GABRA1: variants seen among roughly 807,000 people sequenced by gnomAD.
The protein encoded by GABRA1 is gamma-aminobutyric acid receptor subunit alpha-1.
Under a neutral mutation model 48.9 loss-of-function variants are expected in GABRA1, and 9 were observed. That is an observed-to-expected ratio of 0.18 (90% CI 0.11 to 0.32). The LOEUF is 0.32. GABRA1 is among the 10% of genes least tolerant of loss of function. The pLI is 1.00. For missense variants in GABRA1, 285 were observed against 553.8 expected (o/e 0.51, Z 4.87); for synonymous variants, 210 against 198.7 (o/e 1.06, Z -0.48).
intron 4 of GABRA1, among the ~76,000 whole-genome samples, chr5:161,870,098 C>A (rs1358056671): frequency 2.0e-5 from 3 of 152,192 alleles, no homozygotes; most frequent in Non-Finnish European, 4.4e-5. Flanking sequence ...TCTCAACTCA[C>A]TTCTCACGAT....
At position 161,898,840 on chromosome 5, in the gene GABRA1, A is replaced by T. The variant is rs1312819603; in HGVS notation, c.*1418A>T. On this transcript the variant is annotated 3_prime_UTR_variant, in exon 10 of 10. Transcript: ENST00000393943. ...TGTACCATATGTAGCATTAAATATA[A>T]AATACATAAAAGAATGTACAGAAAA... 4 of 152,592 alleles carry T rather than the reference A, an allele frequency of 2.6e-5. No individual in the cohort carries two copies. Among genetic ancestry groups the T allele is most frequent in the African/African-American group, 9.6e-5 (4 of 41,470 alleles). The allele number at this position is 152,592 out of a possible 1,614,324, so 9.5% of individuals were successfully genotyped here. A position where few individuals can be genotyped will look rare whatever the true frequency, so the allele number is the denominator to read the frequency against.
intron 8 of GABRA1, among the ~76,000 whole-genome samples, chr5:161,894,310 C>T (rs1755262064): frequency 6.6e-6 from 1 of 152,120 alleles, no homozygotes; most frequent in African/African-American, 2.4e-5. Context: ...ATTTGAAACT[C>T]GGTTGCCCTG....
chr5:161,879,610 T>C (rs1011714067), intron 6 of GABRA1, among the ~76,000 whole-genome samples: 5 of 152,136 alleles, frequency 3.3e-5, no homozygotes, highest in Admixed American at 1.3e-4. Flanking sequence ...ATATCATCTT[T>C]GCTAAGGCCT....
At chr5:161,886,418 G>C (rs1471545329) in intron 7 of GABRA1, among the ~76,000 whole-genome samples, 1 of 151,302 alleles carries the variant, frequency 6.6e-6, no homozygotes, top group Non-Finnish European at 1.5e-5. Flanking sequence ...CATGTAAACT[G>C]CCTAGAAGAG....
intron 4 of GABRA1, among the ~76,000 whole-genome samples, chr5:161,869,948 C>T (rs1219186022): frequency 6.6e-6 from 1 of 152,128 alleles, no homozygotes; most frequent in East Asian, 1.9e-4. Flanking sequence ...TAAAGAGAAA[C>T]ACATTTTCAT....
At chr5:161,891,129 A>G (rs1581215500) in intron 8 of GABRA1, 79 bp downstream of exon 8, 1 of 1,279,374 alleles carries the variant, frequency 7.8e-7, no homozygotes, top group East Asian at 2.3e-5. Flanking sequence ...TGCAAAGAGA[A>G]ATAAAAAAAA....
At chr5:161,876,977 A>G (rs146682766) in intron 6 of GABRA1, among the ~76,000 whole-genome samples, 2 of 152,190 alleles carry the variant, frequency 1.3e-5, no homozygotes, top group Non-Finnish European at 2.9e-5. Flanking sequence ...CTCTGTTGCC[A>G]TGGCTGGAGT....
chr5:161,873,713 AC>A (rs1426638780), intron 5 of GABRA1, among the ~76,000 whole-genome samples: 4 of 152,156 alleles, frequency 2.6e-5, no homozygotes, highest in Non-Finnish European at 5.9e-5. Flanking sequence ...GTAATAAAAA[AC>A]AAAAAATATG....
intron 3 of GABRA1, 80 bp from the exon 4 acceptor site, chr5:161,865,641 T>G: frequency 1.8e-6 from 2 of 1,081,994 alleles, no homozygotes; most frequent in Non-Finnish European, 2.9e-6. Context: ...CAATTTCCCA[T>G]TTGGGTGTCA....
chr5:161,879,184 C>A (rs187345136), intron 6 of GABRA1, among the ~76,000 whole-genome samples: 1 of 152,190 alleles, frequency 6.6e-6, no homozygotes, highest in Non-Finnish European at 1.5e-5. Flanking sequence ...TCAGGGCTCA[C>A]TGCTGGCTCA....
At chr5:161,872,104 G>C (rs926032748) in intron 4 of GABRA1, 1 of 152,606 alleles carries the variant, frequency 6.6e-6, no homozygotes, top group Non-Finnish European at 1.5e-5. Context: ...TAAAGGATTA[G>C]GAAAATGTAG....
In GABRA1 at chr5:161,872,972, A is replaced by G; in HGVS notation, c.256-145A>G. On this transcript the variant is annotated intron_variant, in intron 4 of 9. Transcript: ENST00000393943. Reference sequence around the variant, plus strand: ...TGATTCTCCTGACATCAACATGTACATGCTATCACACGTTTACTTCTAAAA... The same window carrying G: ...TGATTCTCCTGACATCAACATGTACGTGCTATCACACGTTTACTTCTAAAA... The G allele has an allele frequency of 1.6e-5, 11 of 705,362 alleles. No individual in the cohort carries two copies. The South Asian group carries it at 1.7e-4, about 11-fold the overall frequency. The allele number at this position is 705,362 out of a possible 1,614,324, so 43.7% of individuals were successfully genotyped here.
At chr5:161,851,930 T>G (rs563789219) in intron 2 of GABRA1, among the ~76,000 whole-genome samples, 2 of 152,092 alleles carry the variant, frequency 1.3e-5, no homozygotes, top group Non-Finnish European at 2.9e-5. Context: ...TATTATATAG[T>G]GGTTCATATG....
At chr5:161,865,297 C>CTTGTAA (rs1758008538) in intron 3 of GABRA1, among the ~76,000 whole-genome samples, 1 of 152,066 alleles carries the variant, frequency 6.6e-6, no homozygotes, top group South Asian at 2.1e-4. Context: ...GAGTTAATAA[C>CTTGTAA]GCTTGCTAAA....
Position 161,848,381 on chromosome 5 carries a change from T to C in GABRA1, c.-57T>C, listed in dbSNP as rs1302223111. 1.3e-5 allele frequency: 2 copies of C among 152,344 alleles called. No individual in the cohort carries two copies. Among genetic ancestry groups the C allele is most frequent in the African/African-American group, 4.8e-5 (2 of 41,330 alleles). 9.4% of individuals were successfully genotyped at this position (152,344 alleles called of 1,614,324 possible). ...CTCCACGATTCTCTCTCCCAGACTT[T>C]TCCCCGGTCTTAAGAGATCCTGTGT... On this transcript the variant is annotated 5_prime_UTR_variant, in exon 1 of 10. Transcript: ENST00000393943.
At chr5:161,891,143 T>G in intron 8 of GABRA1, 93 bp downstream of exon 8, 1 of 1,135,428 alleles carries the variant, frequency 8.8e-7, no homozygotes, top group Non-Finnish European at 1.3e-6. Flanking sequence ...AAAAAAAATA[T>G]ACACTCAAAT....
Position 161,882,617 on chromosome 5 carries a change from G to A in GABRA1, c.619G>A (p.Val207Ile). ...EWTREPARSV[V>I]VAEDGSRLNQ... ...GACCAGAGAGCCAGCACGCTCAGTG[G>A]TTGTAGCAGAAGATGGATCACGTCT... Residue 207 changes from valine to isoleucine, a missense_variant, in exon 7 of 10, where the codon GTT (valine) becomes ATT (isoleucine). By Grantham distance (29) the Val-to-Ile change is conservative. Coordinates refer to ENST00000393943, the MANE Select transcript of GABRA1 (RefSeq NM_001127644.2). The A allele has an allele frequency of 6.2e-7, 1 of 1,613,664 alleles. No individual in the cohort carries two copies. The highest frequency in any genetic ancestry group is 8.5e-7 in the Non-Finnish European group (1 of 1,179,724).
intron 4 of GABRA1, among the ~76,000 whole-genome samples, chr5:161,868,931 A>G (rs1473210714): frequency 6.6e-6 from 1 of 152,182 alleles, no homozygotes; most frequent in Non-Finnish European, 1.5e-5. Flanking sequence ...GTGTCCAACC[A>G]ACAATATTCC....
intron 4 of GABRA1, among the ~76,000 whole-genome samples, chr5:161,866,102 T>A (rs1198270868): frequency 6.6e-6 from 1 of 152,100 alleles, no homozygotes; most frequent in Non-Finnish European, 1.5e-5. Context: ...TTCATTTTAG[T>A]TAGCAGGCCA....
Sources: gnomAD v4.1 joint callset for allele counts (sites outside exome capture counted in the v4.1 genomes callset) on GRCh38, gnomAD v4.1.1 for gene constraint, MANE v1.5 for transcripts, NCBI Gene and HGNC (gene_info 2026-07-23, HGNC 2026-07-21) for gene names.